ANKS1B: variants seen among roughly 807,000 people sequenced by gnomAD.
ANKS1B encodes ankyrin repeat and sterile alpha motif domain-containing protein 1B.
ANKS1B carries 36 observed loss-of-function variants against 148.3 expected under a neutral mutation model. The observed-to-expected ratio is 0.24, with a 90% confidence interval of 0.19 to 0.32. The LOEUF (loss-of-function observed/expected upper bound fraction) is 0.32. Among genes scored for constraint, ANKS1B ranks in the 10% least tolerant of loss-of-function variants. ANKS1B has a pLI of 1.00. For missense variants in ANKS1B, 1,157 were observed against 1,542.6 expected (o/e 0.75, Z 4.19); for synonymous variants, 542 against 560.8 (o/e 0.97, Z 0.47).
intron 11 of ANKS1B, among the ~76,000 whole-genome samples, chr12:99,401,060 A>G (rs2152590088): frequency 6.8e-6 from 1 of 146,422 alleles, no homozygotes; most frequent in East Asian, 1.9e-4. Context: ...ATTTCACCAA[A>G]TATTTTTATG....
intron 12 of ANKS1B, among the ~76,000 whole-genome samples, chr12:99,346,914 T>C (rs926230545): frequency 6.6e-6 from 1 of 152,010 alleles, no homozygotes; most frequent in African/African-American, 2.4e-5. Context: ...AGGGCCACTG[T>C]AACCCAGTGG....
At chr12:99,028,737 G>A (rs1343732296) in intron 17 of ANKS1B, among the ~76,000 whole-genome samples, 5 of 152,124 alleles carry the variant, frequency 3.3e-5, no homozygotes, top group African/African-American at 7.2e-5. Flanking sequence ...GTATTGCACC[G>A]ATTTTTACCT....
intron 6 of ANKS1B, 95 bp downstream of exon 6, chr12:99,779,776 A>G: frequency 1.1e-6 from 1 of 910,788 alleles, no homozygotes; most frequent in African/African-American, 1.7e-5. Context: ...TTTGTTCAAA[A>G]GTAAACACTA....
At chr12:99,116,622 T>TA (rs1764017185) in intron 15 of ANKS1B, among the ~76,000 whole-genome samples, 1 of 151,916 alleles carries the variant, frequency 6.6e-6, no homozygotes, top group Non-Finnish European at 1.5e-5. Flanking sequence ...ACAGTAGATT[T>TA]AAAAAAAATA....
intron 9 of ANKS1B, chr12:99,648,666 T>C: frequency 6.2e-7 from 1 of 1,614,190 alleles, no homozygotes; most frequent in South Asian, 1.1e-5. Flanking sequence ...ACCTTTTTGT[T>C]CACTGGGAAA....
chr12:99,533,070 AT>A (rs1282699560), intron 9 of ANKS1B, among the ~76,000 whole-genome samples: 1 of 152,150 alleles, frequency 6.6e-6, no homozygotes, highest in African/African-American at 2.4e-5. Flanking sequence ...GAAGAATGAC[AT>A]TGGTATTTTG....
intron 16 of ANKS1B, among the ~76,000 whole-genome samples, chr12:99,068,901 C>G (rs1466289559): frequency 2.0e-5 from 3 of 152,164 alleles, no homozygotes; most frequent in Non-Finnish European, 2.9e-5. Flanking sequence ...CACCATCCAC[C>G]TGCCCAAAAA....
At chr12:99,773,594 A>G (rs2063389540) in intron 7 of ANKS1B, among the ~76,000 whole-genome samples, 1 of 152,124 alleles carries the variant, frequency 6.6e-6, no homozygotes, top group African/African-American at 2.4e-5. Flanking sequence ...AGAAACAAAC[A>G]ATATGCATCA....
chr12:99,579,200 G>A (rs11503426), intron 9 of ANKS1B, among the ~76,000 whole-genome samples: 1,966 of 152,126 alleles, frequency 0.013, 49 homozygotes, highest in African/African-American at 0.045. Flanking sequence ...AAGTCAACTC[G>A]AGTTGGATTA....
Position 99,097,951 on chromosome 12 carries a change from G to A in ANKS1B, c.2527-12928C>T, listed in dbSNP as rs541973150. 2.8e-4 allele frequency among the ~76,000 whole-genome samples: 42 copies of A among 152,292 alleles called. No homozygotes were observed. The East Asian group carries it at 7.9e-3, about 29-fold the overall frequency. ...GTCATTTTCTTCAGATAAGTGTTCA[G>A]TATTGAGAGGTGCACTTACATAATG... On this transcript the variant is annotated intron_variant, in intron 15 of 26. Transcript: ENST00000683438.
intron 12 of ANKS1B, among the ~76,000 whole-genome samples, chr12:99,317,069 A>T (rs1234072687): frequency 6.6e-6 from 1 of 152,198 alleles, no homozygotes; most frequent in African/African-American, 2.4e-5. Flanking sequence ...TGGTTACTGT[A>T]GCCTTGTAGT....
intron 15 of ANKS1B, among the ~76,000 whole-genome samples, chr12:99,108,608 TTG>T (rs902601279): frequency 2.6e-5 from 4 of 152,222 alleles, no homozygotes; most frequent in African/African-American, 9.6e-5. Flanking sequence ...TTGTTCTGTT[TTG>T]TTTCATAAAA....
chr12:99,455,929 T>C (rs907173170), intron 10 of ANKS1B, among the ~76,000 whole-genome samples: 2 of 152,150 alleles, frequency 1.3e-5, no homozygotes, highest in Non-Finnish European at 2.9e-5. Flanking sequence ...TGATGTGCTA[T>C]TGAAAGCACC....
intron 15 of ANKS1B, among the ~76,000 whole-genome samples, chr12:99,146,173 C>CT (rs1367973121): frequency 2.6e-5 from 4 of 152,028 alleles, no homozygotes; most frequent in African/African-American, 9.7e-5. Context: ...ATGCCAAGCC[C>CT]TGTGGTAGGC....
intron 1 of ANKS1B, among the ~76,000 whole-genome samples, chr12:99,870,066 C>A (rs1253211773): frequency 6.6e-6 from 1 of 152,202 alleles, no homozygotes; most frequent in Non-Finnish European, 1.5e-5. Context: ...GCATAGTATT[C>A]GATAGTTTTT....
chr12:99,385,361 C>T (rs2093818331), intron 12 of ANKS1B, among the ~76,000 whole-genome samples: 1 of 152,150 alleles, frequency 6.6e-6, no homozygotes, highest in Non-Finnish European at 1.5e-5. Context: ...CCCAGCTACT[C>T]AGGAGGCTGA....
chr12:99,926,854 T>G lies in ANKS1B; in HGVS notation c.134+57250A>C, dbSNP rs191584868. On this transcript the variant is annotated intron_variant, in intron 1 of 26. Transcript: ENST00000683438. The stretch of plus-strand genomic sequence containing the variant: ...AGGTAAAAGTATTGTGTTTACTATC[T>G]TGTCTTCTCATTGTCCCCATTCCCC... Among the ~76,000 whole-genome samples the G allele has an allele frequency of 2.9e-4, 44 of 152,316 alleles. 2 individuals carry two copies. The highest frequency in any genetic ancestry group is 2.6e-3 in the Admixed American group (40 of 15,300).
In ANKS1B at chr12:99,602,102, C is replaced by A. The variant is rs541850176; in HGVS notation, c.1272+52965G>T. Reference sequence around the variant, plus strand: ...AGGCATAAAAAGGGCAGGAGAAGGTCAGAAAGATCTTGCTTCTGTGACCTT... The same window carrying A: ...AGGCATAAAAAGGGCAGGAGAAGGTAAGAAAGATCTTGCTTCTGTGACCTT... On this transcript the variant is annotated intron_variant, in intron 9 of 26. Transcript: ENST00000683438. Among the ~76,000 whole-genome samples, 30 of 152,078 alleles carry A rather than the reference C, an allele frequency of 2.0e-4. No homozygotes were observed. The East Asian group carries it at 5.4e-3, about 27-fold the overall frequency.
intron 9 of ANKS1B, among the ~76,000 whole-genome samples, chr12:99,576,002 C>G (rs998440255): frequency 6.6e-6 from 1 of 151,902 alleles, no homozygotes; most frequent in African/African-American, 2.4e-5. Context: ...TGTTAAGAGA[C>G]CCATCTCACA....
Sources: allele counts gnomAD v4.1 joint callset (sites outside exome capture counted in the v4.1 genomes callset), GRCh38; gene constraint gnomAD v4.1.1; transcripts MANE v1.5; gene names NCBI Gene and HGNC (gene_info 2026-07-23, HGNC 2026-07-21).